Variants in SLC10A7 observed in about 807,000 individuals in gnomAD.
SLC10A7 encodes sodium/bile acid cotransporter 7.
A neutral mutation model predicts 43.2 loss-of-function variants in SLC10A7; 29 were observed. The ratio of observed to expected loss-of-function variants is 0.67; its 90% CI spans 0.50 to 0.92. The LOEUF (loss-of-function observed/expected upper bound fraction) is 0.92. Ranked by LOEUF, SLC10A7 falls within the 40% of genes least tolerant of loss-of-function variation. The pLI is 0.00. For synonymous variants in SLC10A7, 152 were observed against 144.8 expected, an observed-to-expected ratio of 1.05 and a Z score of -0.35; for missense variants, 295 against 403.2, an observed-to-expected ratio of 0.73 and a Z score of 2.30.
intron 2 of SLC10A7, chr4:146,515,207 G>C: frequency 1.4e-6 from 1 of 701,758 alleles, no homozygotes; most frequent in Non-Finnish European, 2.6e-6. Flanking sequence ...ACAAGTAACA[G>C]CTGTAGCCAT....
chr4:146,297,709 G>T (rs1333760516), intron 7 of SLC10A7, among the ~76,000 whole-genome samples: 1 of 151,928 alleles, frequency 6.6e-6, no homozygotes, highest in Non-Finnish European at 1.5e-5. Context: ...TTAATATCCT[G>T]TTTTAATATA....
chr4:146,323,763 A>G (rs1265294094), intron 6 of SLC10A7, among the ~76,000 whole-genome samples: 1 of 152,180 alleles, frequency 6.6e-6, no homozygotes, highest in Non-Finnish European at 1.5e-5. Context: ...AAACTGGCAC[A>G]AGACAGGGAT....
At chr4:146,475,454 G>A (rs558241180) in intron 4 of SLC10A7, among the ~76,000 whole-genome samples, 93 of 152,238 alleles carry the variant, frequency 6.1e-4, no homozygotes, top group African/African-American at 2.2e-3. Flanking sequence ...TAGCAACAGA[G>A]TTAGAAGTCA....
chr4:146,369,618 C>A (rs1295982928), intron 5 of SLC10A7, among the ~76,000 whole-genome samples: 1 of 152,062 alleles, frequency 6.6e-6, no homozygotes, highest in Non-Finnish European at 1.5e-5. Flanking sequence ...CTCCAGCAGA[C>A]AAATGACGCT....
chr4:146,355,790 CA>C (rs1460005405), intron 5 of SLC10A7, among the ~76,000 whole-genome samples: 1 of 142,134 alleles, frequency 7.0e-6, no homozygotes, highest in African/African-American at 2.7e-5. Context: ...ATCGCAAGAA[CA>C]AAAAACCAAA....
At chr4:146,464,396 AT>A (rs983312797) in intron 4 of SLC10A7, among the ~76,000 whole-genome samples, 15 of 152,258 alleles carry the variant, frequency 9.9e-5, no homozygotes, top group African/African-American at 3.4e-4. Flanking sequence ...AGATTATGGT[AT>A]TTTTTATTTA....
intron 10 of SLC10A7, among the ~76,000 whole-genome samples, chr4:146,282,401 C>T (rs186597922): frequency 6.6e-6 from 1 of 152,234 alleles, no homozygotes; most frequent in East Asian, 1.9e-4. Flanking sequence ...TGTAATGATT[C>T]TTCATTCTCT....
chr4:146,393,004 A>G (rs1738553497), intron 5 of SLC10A7, among the ~76,000 whole-genome samples: 1 of 151,888 alleles, frequency 6.6e-6, no homozygotes, highest in Non-Finnish European at 1.5e-5. Context: ...TTCTCTCTTA[A>G]TAAATGTTCT....
intron 2 of SLC10A7, among the ~76,000 whole-genome samples, chr4:146,513,214 AAAGT>A (rs1274343225): frequency 2.6e-5 from 4 of 152,050 alleles, no homozygotes; most frequent in Non-Finnish European, 5.9e-5. Context: ...TATGTTCATA[AAAGT>A]AAGTAACGTA....
intron 6 of SLC10A7, among the ~76,000 whole-genome samples, chr4:146,312,441 T>C (rs1259981618): frequency 6.6e-6 from 1 of 152,188 alleles, no homozygotes; most frequent in Non-Finnish European, 1.5e-5. Context: ...ATGATCTTAA[T>C]ACTTAAGATC....
chr4:146,471,551 G>A (rs1208357099), intron 4 of SLC10A7, among the ~76,000 whole-genome samples: 1 of 152,064 alleles, frequency 6.6e-6, no homozygotes, highest in Non-Finnish European at 1.5e-5. Context: ...AAAGAAGGTA[G>A]ATAAAATCCT....
At chr4:146,361,532 C>T (rs542409396) in intron 5 of SLC10A7, among the ~76,000 whole-genome samples, 1 of 152,210 alleles carries the variant, frequency 6.6e-6, no homozygotes, top group East Asian at 1.9e-4. Context: ...ATGGCACCCC[C>T]CTAGTGCTGA....
intron 5 of SLC10A7, among the ~76,000 whole-genome samples, chr4:146,440,684 A>G (rs1730531217): frequency 6.6e-6 from 1 of 152,220 alleles, no homozygotes; most frequent in Admixed American, 6.5e-5. Context: ...GGAAAAAAAG[A>G]TATAGAATTA....
intron 5 of SLC10A7, chr4:146,442,237 TTA>T (rs57108158): frequency 4.2e-3 from 3,334 of 797,542 alleles, no homozygotes; most frequent in Middle Eastern, 5.3e-3. Context: ...TTTTGAATCT[TTA>T]TATATATATA....
At chr4:146,375,765 C>T (rs1263649069) in intron 5 of SLC10A7, among the ~76,000 whole-genome samples, 3 of 152,110 alleles carry the variant, frequency 2.0e-5, no homozygotes, top group African/African-American at 7.2e-5. Flanking sequence ...TGTTTCCTCA[C>T]ATACCAAACA....
intron 5 of SLC10A7, among the ~76,000 whole-genome samples, chr4:146,371,321 C>A (rs919088663): frequency 4.6e-5 from 7 of 152,174 alleles, no homozygotes; most frequent in Non-Finnish European, 1.0e-4. Flanking sequence ...AGGGCGCCTG[C>A]CCTTGTTAGA....
chr4:146,332,805 A>T (rs1044394580), intron 5 of SLC10A7, among the ~76,000 whole-genome samples: 1 of 152,198 alleles, frequency 6.6e-6, no homozygotes, highest in Non-Finnish European at 1.5e-5. Flanking sequence ...CATTTCTGAC[A>T]GGAAGATAGC....
intron 2 of SLC10A7, among the ~76,000 whole-genome samples, chr4:146,511,969 CTTTTTTTTTT>C (rs765683134): frequency 1.0e-5 from 1 of 98,860 alleles, no homozygotes; most frequent in African/African-American, 4.0e-5. Flanking sequence ...TGCATATACT[CTTTTTTTTTT>C]TTTTTTTTTT....
chr4:146,498,352 A>G (rs953812903), intron 4 of SLC10A7, among the ~76,000 whole-genome samples: 5 of 152,096 alleles, frequency 3.3e-5, no homozygotes, highest in Non-Finnish European at 7.4e-5. Context: ...TCCTGACCTC[A>G]GGTGATCCCC....
Sources: gnomAD v4.1 joint callset for allele counts (sites outside exome capture counted in the v4.1 genomes callset) on GRCh38, gnomAD v4.1.1 for gene constraint, MANE v1.5 for transcripts, NCBI Gene and HGNC (gene_info 2026-07-23, HGNC 2026-07-21) for gene names.